The following UPF1 variants were observed in gnomAD, a reference collection of about 807,000 sequenced individuals.
The protein encoded by UPF1 is UPF1 RNA helicase and ATPase.
In UPF1, 9 loss-of-function variants were observed where a neutral mutation model predicts 129.2. That is an observed-to-expected ratio of 0.07 (90% confidence interval 0.04 to 0.12). UPF1 has a LOEUF of 0.12. Ranked by LOEUF, UPF1 falls within the 10% of genes least tolerant of loss-of-function variation. UPF1 has a pLI of 1.00. For missense variants in UPF1, 788 were observed against 1,525.3 expected, an observed-to-expected ratio of 0.52 and a Z score of 8.05; for synonymous variants, 649 against 644.9, an observed-to-expected ratio of 1.01 and a Z score of -0.10.
Position 18,851,641 on chromosome 19 carries a change from C to T in UPF1, c.811-494C>T, listed in dbSNP as rs540436674. Among the ~76,000 whole-genome samples, 6 of 152,346 alleles carry T rather than the reference C, an allele frequency of 3.9e-5. No individual in the cohort carries two copies. In the East Asian group the frequency reaches 9.6e-4, roughly 24 times the overall value. ...GAGCTGGCCCCCAGGGGAAGAGCTG[C>T]GGGCCCATGTTGGTCTGGCTCAGGG... On this transcript the variant is annotated intron_variant, in intron 5 of 23. Transcript: ENST00000262803. This position sits in a 1 kb window ranked among gnomAD's most constrained non-coding sequence, Gnocchi z 4.2.
intron 2 of UPF1, 103 bp from the exon 3 acceptor site, chr19:18,847,641 G>A (rs2055614888): frequency 9.1e-7 from 1 of 1,096,384 alleles, no homozygotes; most frequent in Admixed American, 1.9e-5. Flanking sequence ...TGTGTTTAAT[G>A]AAGAACTTAA....
rs1016268907 is a variant in UPF1, at chr19:18,853,744, C to A, written c.1156+394C>A. Reference sequence around the variant, plus strand: ...GGTTCCAGAAGCCAGTGGTCACATGCAGACCCTCTGAGCACACACTTGCTC... The same window carrying A: ...GGTTCCAGAAGCCAGTGGTCACATGAAGACCCTCTGAGCACACACTTGCTC... On this transcript the variant is annotated intron_variant, in intron 8 of 23. Coordinates refer to ENST00000262803, the MANE Select transcript of UPF1 (RefSeq NM_002911.4). The surrounding 1 kb of genome is among the most constrained non-coding windows in gnomAD (Gnocchi z 4.4). 3.3e-5 allele frequency among the ~76,000 whole-genome samples: 5 copies of A among 152,222 alleles called. No homozygotes were observed. Among genetic ancestry groups the A allele is most frequent in the African/African-American group, 1.2e-4 (5 of 41,456 alleles).
rs1601114288 is a variant in UPF1 at position 18,853,356 on chromosome 19, C to T, written c.1156+6C>T. ...CGTCATCAAGGTCCCTGATAGTATC[C>T]TTCATGTGAAGAGGGTGTGGCCGGC... On this transcript the variant is annotated splice_donor_region_variant and intron_variant, in intron 8 of 23. Coordinates refer to ENST00000262803, the MANE Select transcript of UPF1 (RefSeq NM_002911.4). The surrounding 1 kb of genome is among the most constrained non-coding windows in gnomAD (Gnocchi z 4.4). The T allele has an allele frequency of 2.5e-6, 4 of 1,597,458 alleles. No individual in the cohort carries two copies. Among genetic ancestry groups the T allele is most frequent in the Non-Finnish European group, 3.4e-6 (4 of 1,171,716 alleles).
At chr19:18,854,118 A>T (rs922318253) in intron 8 of UPF1, among the ~76,000 whole-genome samples, 3 of 151,998 alleles carry the variant, frequency 2.0e-5, no homozygotes. Flanking sequence ...GTGTATGTGG[A>T]GCCTTTTGCT....
At chr19:18,848,462 C>G (rs1424718623) in intron 3 of UPF1, 1 of 153,394 alleles carries the variant, frequency 6.5e-6, no homozygotes, top group African/African-American at 2.4e-5. Context: ...GGCTCCCCTT[C>G]CCCTCCAGGT....
At chr19:18,839,107 T>C (rs1174373334) in intron 1 of UPF1, among the ~76,000 whole-genome samples, 2 of 152,094 alleles carry the variant, frequency 1.3e-5, no homozygotes, top group Non-Finnish European at 1.5e-5. Flanking sequence ...CTTCTTTTCT[T>C]TTTAGACGGA....
rs759475309 is a variant in UPF1 at position 18,832,233 on chromosome 19, C to G, written c.24C>G (p.Pro8=). 6.5e-7 allele frequency: 1 copy of G among 1,548,078 alleles called. No homozygotes were observed. Among genetic ancestry groups the G allele is most frequent in the Non-Finnish European group, 8.7e-7 (1 of 1,146,786 alleles). Residue 8 remains proline (P), a synonymous_variant, in exon 1 of 24, where the codon CCC becomes CCG. Coordinates refer to ENST00000262803, the MANE Select transcript of UPF1 (RefSeq NM_002911.4). The surrounding 1 kb of genome is among the most constrained non-coding windows in gnomAD (Gnocchi z 5.6). ...CCATGAGCGTGGAGGCGTACGGGCC[C>G]AGCTCGCAGACTCTCACTTTCCTGG... MSVEAYG[P]SSQTLTFLDT...
At chr19:18,836,836 C>T (rs2055488349) in intron 1 of UPF1, among the ~76,000 whole-genome samples, 1 of 151,522 alleles carries the variant, frequency 6.6e-6, no homozygotes, top group Admixed American at 6.6e-5. Context: ...TCACTGCAAC[C>T]TCCACCTCCT....
At chr19:18,842,283 A>G (rs1007496949) in intron 1 of UPF1, among the ~76,000 whole-genome samples, 4 of 152,220 alleles carry the variant, frequency 2.6e-5, no homozygotes, top group African/African-American at 9.7e-5. Context: ...AAAAGACGTT[A>G]TGAAGACATT....
In UPF1 at chr19:18,857,673, C is replaced by T. The variant is rs2055733267; in HGVS notation, c.2182+140C>T. Reference sequence around the variant, plus strand: ...CTGCTTGAGGTCAGGGCACTTTGTGCCCAAGGTCTTGATGGTATGGTCTTG... The same window carrying T: ...CTGCTTGAGGTCAGGGCACTTTGTGTCCAAGGTCTTGATGGTATGGTCTTG... On this transcript the variant is annotated intron_variant, in intron 15 of 23. Coordinates refer to ENST00000262803, the MANE Select transcript of UPF1 (RefSeq NM_002911.4). The T allele has an allele frequency of 1.0e-5, 10 of 990,562 alleles. No individual in the cohort carries two copies. In the South Asian group the frequency reaches 1.8e-4, roughly 17 times the overall value. 61.4% of individuals were successfully genotyped at this position (990,562 alleles called of 1,614,324 possible). A position where few individuals can be genotyped will look rare whatever the true frequency, so the allele number is the denominator to read the frequency against.
At chr19:18,861,552 G>A (rs1005038918) in intron 17 of UPF1, among the ~76,000 whole-genome samples, 2 of 152,212 alleles carry the variant, frequency 1.3e-5, no homozygotes, top group Admixed American at 1.3e-4. Flanking sequence ...AAGAGAACAG[G>A]CTAGGTGTCA....
intron 1 of UPF1, among the ~76,000 whole-genome samples, chr19:18,835,444 C>T (rs1337213233): frequency 1.3e-5 from 2 of 151,884 alleles, no homozygotes; most frequent in Non-Finnish European, 2.9e-5. Context: ...CAGGTTCAAG[C>T]GATTCTCCTG....
intron 1 of UPF1, among the ~76,000 whole-genome samples, chr19:18,836,562 G>A (rs1167194947): frequency 6.6e-6 from 1 of 152,138 alleles, no homozygotes; most frequent in Non-Finnish European, 1.5e-5. Flanking sequence ...GTGACAAAGG[G>A]CACAGGAAAC....
At position 18,857,005 on chromosome 19, in the gene UPF1, C is replaced by T. The variant is rs1170403914; in HGVS notation, c.1953C>T (p.Val651=). Residue 651 remains valine (V), a synonymous_variant, in exon 14 of 24, where the codon GTC becomes GTT. Coordinates refer to ENST00000262803, the MANE Select transcript of UPF1 (RefSeq NM_002911.4). ...ATEPECMVPV[V]LGAKQLILVG... ...AGCCGGAGTGCATGGTTCCCGTGGTCCTCGGGGCCAAGCAGGTGGGCTGCC... is the reference window on the plus strand; with the variant it reads ...AGCCGGAGTGCATGGTTCCCGTGGTTCTCGGGGCCAAGCAGGTGGGCTGCC... 6.2e-7 allele frequency: 1 copy of T among 1,611,062 alleles called. No homozygotes were observed. Among genetic ancestry groups the T allele is most frequent in the African/African-American group, 1.3e-5 (1 of 74,808 alleles).
In UPF1 at chr19:18,865,260, C is replaced by T. The variant is rs765581165; in HGVS notation, c.2858-29C>T. On this transcript the variant is annotated intron_variant, in intron 20 of 23. Coordinates refer to ENST00000262803, the MANE Select transcript of UPF1 (RefSeq NM_002911.4). This position sits in a 1 kb window ranked among gnomAD's most constrained non-coding sequence, Gnocchi z 6.1. ...GCTGGGGTTTGACCGAGGCAGGTGA[C>T]ACCTGCCGTGTTCCACTGTGATTTG... The T allele has an allele frequency of 4.4e-6, 7 of 1,583,256 alleles. No individual in the cohort carries two copies. Among genetic ancestry groups the T allele is most frequent in the Admixed American group, 3.4e-5 (2 of 58,554 alleles).
intron 17 of UPF1, among the ~76,000 whole-genome samples, chr19:18,861,250 C>T (rs750360359): frequency 1.3e-5 from 2 of 152,204 alleles, no homozygotes; most frequent in African/African-American, 2.4e-5. Flanking sequence ...GGTGTTTTCT[C>T]GGGATGGTTG....
chr19:18,847,826 T>G lies in UPF1; in HGVS notation c.454T>G (p.Ser152Ala). 1 of 1,614,176 alleles carries G rather than the reference T, an allele frequency of 6.2e-7. No homozygotes were observed. Residue 152 changes from serine (S) to alanine (A), a missense_variant, in exon 3 of 24, where the codon TCT becomes GCT. Physicochemically the swap from Ser to Ala is moderately conservative, Grantham distance 99 (BLOSUM62 1). Transcript: ENST00000262803. ...GTTCTGCAACGGACGTGGAAATACT[T>G]CTGGCAGGTAGATAATCAGACCATG... ...KWFCNGRGNT[S>A]GSHIVNHLVR...
chr19:18,845,194 T>C (rs1223687344), intron 1 of UPF1, among the ~76,000 whole-genome samples: 2 of 152,194 alleles, frequency 1.3e-5, no homozygotes, highest in Non-Finnish European at 2.9e-5. Flanking sequence ...TGTGCCACCT[T>C]GTGTTCTGCC....
rs570091602 is a variant in UPF1, at chr19:18,865,606, A to G, written c.3065A>G (p.Lys1022Arg). The G allele has an allele frequency of 6.2e-7, 1 of 1,613,868 alleles. No individual in the cohort carries two copies. Among genetic ancestry groups the G allele is most frequent in the African/African-American group, 1.3e-5 (1 of 75,072 alleles). ...KGKTGRGGRQ[K>R]NRFGLPGPSQ... ...AAGACTGGTCGTGGGGGACGCCAGA[A>G]GAACCGCTTTGGGCTTCCTGGACCC... is the stretch of plus-strand genomic sequence containing the variant. The change falls in exon 22 of 24, where the codon AAG becomes AGG. Residue 1022 changes from lysine to arginine, a missense_variant. Physicochemically the swap from Lys to Arg is conservative, Grantham distance 26. Transcript: ENST00000262803. This position sits in a 1 kb window ranked among gnomAD's most constrained non-coding sequence, Gnocchi z 6.1.
Sources: gnomAD v4.1 joint callset for allele counts (sites outside exome capture counted in the v4.1 genomes callset) on GRCh38, gnomAD v4.1.1 for gene constraint, Gnocchi (gnomAD v3.1) non-coding constraint, MANE v1.5 for transcripts, NCBI Gene and HGNC (gene_info 2026-07-23, HGNC 2026-07-21) for gene names.